The following INTS7 variants were observed in gnomAD, a reference collection of about 807,000 sequenced individuals.
The protein encoded by INTS7 is integrator complex subunit 7, also known as chromosome 1 open reading frame 73.
In INTS7, 46 loss-of-function variants were observed where a neutral mutation model predicts 109.2. The ratio of observed to expected loss-of-function variants is 0.42; its 90% CI spans 0.33 to 0.54. The LOEUF is 0.54. Among genes scored for constraint, INTS7 ranks in the 20% least tolerant of loss-of-function variants. INTS7 has a pLI of 0.07. For synonymous variants in INTS7, 412 were observed against 402.9 expected, an observed-to-expected ratio of 1.02 and a Z score of -0.27; for missense variants, 929 against 1,132.4, an observed-to-expected ratio of 0.82 and a Z score of 2.58.
At chr1:212,010,274 T>C (rs1248691282) in intron 5 of INTS7, among the ~76,000 whole-genome samples, 1 of 152,228 alleles carries the variant, frequency 6.6e-6, no homozygotes, top group Non-Finnish European at 1.5e-5. Context: ...CTCCCTTTTA[T>C]GACTGCTAGG....
Position 211,982,775 on chromosome 1 carries a change from C to A in INTS7, c.1033G>T (p.Val345Phe). The A allele has an allele frequency of 1.2e-6, 2 of 1,610,504 alleles. No homozygotes were observed. The highest frequency in any genetic ancestry group is 1.7e-6 in the Non-Finnish European group (2 of 1,177,934). The part of the protein sequence containing the change: ...VSSSPRSSDL[V>F]KLAQECCYHN... ...TAACAGCACTCTTGGGCTAATTTGA[C>A]TAAATCAGAAGATCTGGGAGAAGAA... The change falls in exon 9 of 20, where the codon GTC becomes TTC. Residue 345 changes from valine (V) to phenylalanine (F), a missense_variant. This residue lies in a region of INTS7 where 787 missense variants were observed against 901.1 expected (regional missense o/e 0.87). Coordinates refer to ENST00000366994, the MANE Select transcript of INTS7 (RefSeq NM_015434.4).
rs61161323 is a variant in INTS7 at position 211,987,321 on chromosome 1, A to C, written c.997+565T>G. ...TAAAACAAAACAACAACAACAACAA[A>C]AAAAAACCCAAAATGACAAAAAAGT... On this transcript the variant is annotated intron_variant, in intron 8 of 19. Transcript: ENST00000366994. Among the ~76,000 whole-genome samples the C allele has an allele frequency of 8.1e-3, 1,237 of 152,132 alleles. 9 individuals carry two copies. Among genetic ancestry groups the C allele is most frequent in the African/African-American group, 0.018 (765 of 41,510 alleles).
chr1:211,976,462 A>G, intron 12 of INTS7, 120 bp downstream of exon 12: 1 of 863,656 alleles, frequency 1.2e-6, no homozygotes, highest in Admixed American at 2.5e-5. Flanking sequence ...TTCAGAACCC[A>G]TGACTAAAAG....
chr1:212,028,347 A>T (rs1667017480), intron 1 of INTS7, among the ~76,000 whole-genome samples: 1 of 152,232 alleles, frequency 6.6e-6, no homozygotes, highest in African/African-American at 2.4e-5. Context: ...GAAAAGTAAA[A>T]GATCTAAAAT....
chr1:211,957,954 G>C (rs1014495612), intron 16 of INTS7, among the ~76,000 whole-genome samples: 5 of 150,772 alleles, frequency 3.3e-5, no homozygotes, highest in Admixed American at 1.3e-4. Flanking sequence ...ACTACTAAAT[G>C]TAAGATTCTT....
At chr1:211,976,011 G>A (rs1428573572) in intron 12 of INTS7, among the ~76,000 whole-genome samples, 1 of 151,914 alleles carries the variant, frequency 6.6e-6, no homozygotes, top group Non-Finnish European at 1.5e-5. Context: ...TGTCAGCCAG[G>A]CTGGTCTCAA....
At chr1:212,013,200 TTTTC>T (rs1666239923) in intron 4 of INTS7, among the ~76,000 whole-genome samples, 1 of 152,020 alleles carries the variant, frequency 6.6e-6, no homozygotes, top group Non-Finnish European at 1.5e-5. Context: ...TCTCTGTGTC[TTTTC>T]TTTGAGGGGT....
At chr1:212,005,061 G>A (rs1665843440) in intron 7 of INTS7, among the ~76,000 whole-genome samples, 1 of 152,174 alleles carries the variant, frequency 6.6e-6, no homozygotes, top group Non-Finnish European at 1.5e-5. Flanking sequence ...AAATTTGCGT[G>A]TGTGAACTGG....
chr1:211,980,528 C>A (rs2993537), intron 10 of INTS7, among the ~76,000 whole-genome samples: 1 of 152,034 alleles, frequency 6.6e-6, no homozygotes, highest in Non-Finnish European at 1.5e-5. Context: ...CTCAACCTCT[C>A]GGCCTCAAGC....
Position 211,944,851 on chromosome 1 carries a change from C to CG in INTS7, c.2533dup (p.Arg845ProfsTer17). On this transcript the variant is annotated frameshift_variant, in exon 19 of 20. Coordinates refer to ENST00000366994, the MANE Select transcript of INTS7 (RefSeq NM_015434.4). LOFTEE classifies it high-confidence loss of function. ...ATTCAGACAGACAGACTGAATTTTG[C>CG]GGAAGAGTCCTGGTTTAGATCCGTG... The CG allele has an allele frequency of 6.2e-7, 1 of 1,614,096 alleles. No homozygotes were observed. The highest frequency in any genetic ancestry group is 8.5e-7 in the Non-Finnish European group (1 of 1,179,952).
chr1:212,028,724 T>C (rs1362525701), intron 1 of INTS7, among the ~76,000 whole-genome samples: 1 of 152,202 alleles, frequency 6.6e-6, no homozygotes, highest in Non-Finnish European at 1.5e-5. Context: ...ATAATGATAA[T>C]GATGATACAC....
chr1:212,003,083 G>A (rs1242630697), intron 7 of INTS7, among the ~76,000 whole-genome samples: 1 of 152,028 alleles, frequency 6.6e-6, no homozygotes, highest in Non-Finnish European at 1.5e-5. Flanking sequence ...CGGGAGAAGG[G>A]TTATCATACA....
At chr1:212,016,496 A>G (rs1666448709) in intron 4 of INTS7, among the ~76,000 whole-genome samples, 1 of 152,246 alleles carries the variant, frequency 6.6e-6, no homozygotes, top group South Asian at 2.1e-4. Context: ...TCTTTGCCAA[A>G]CTGTGGACAG....
chr1:211,974,270 AAAAAAAATATATAT>A lies in INTS7; in HGVS notation c.1815+882_1815+895del, dbSNP rs1208214487. ...AGGAAACAACAATCTCTTCCCAGAA[AAAAAAAATATATAT>A]ATATATATATATATATATATATATA... On this transcript the variant is annotated intron_variant, in intron 13 of 19. Transcript: ENST00000366994. Among the ~76,000 whole-genome samples, 91 of 101,900 alleles carry A rather than the reference AAAAAAAATATATAT, an allele frequency of 8.9e-4. 6 individuals are homozygous for A. In the South Asian group the frequency reaches 0.016, roughly 18 times the overall value. 66.9% of individuals were successfully genotyped at this position (101,900 alleles called of 152,430 possible).
At chr1:212,011,820 T>G (rs1666177363) in intron 4 of INTS7, among the ~76,000 whole-genome samples, 1 of 152,214 alleles carries the variant, frequency 6.6e-6, no homozygotes. Flanking sequence ...AATAACCATA[T>G]AAAGACTTCT....
Position 211,940,976 on chromosome 1 carries a change from T to A in INTS7, c.*848A>T, listed in dbSNP as rs768393576. The A allele has an allele frequency of 1.3e-5, 2 of 152,256 alleles. No individual in the cohort carries two copies. Among genetic ancestry groups the A allele is most frequent in the Non-Finnish European group, 2.9e-5 (2 of 68,048 alleles). The allele number at this position is 152,256 out of a possible 1,614,324, so 9.4% of individuals were successfully genotyped here. A position where few individuals can be genotyped will look rare whatever the true frequency, so the allele number is the denominator to read the frequency against. ...AATTAAATATGAAAATAATAAAGAC[T>A]GCTTTAGCACAGGAAGAGATAAATA... On this transcript the variant is annotated 3_prime_UTR_variant, in exon 20 of 20. Transcript: ENST00000366994.
At chr1:212,017,409 A>C (rs1159555022) in intron 3 of INTS7, among the ~76,000 whole-genome samples, 1 of 152,234 alleles carries the variant, frequency 6.6e-6, no homozygotes, top group African/African-American at 2.4e-5. Context: ...AAGCAGATAC[A>C]CAAAGTAAAA....
chr1:212,003,261 T>C (rs1006143597), intron 7 of INTS7, among the ~76,000 whole-genome samples: 1 of 111,332 alleles, frequency 9.0e-6, no homozygotes, highest in Non-Finnish European at 1.8e-5. Flanking sequence ...AGACATTTCA[T>C]AGTGAAACTA....
intron 17 of INTS7, among the ~76,000 whole-genome samples, chr1:211,949,941 T>C (rs989268733): frequency 6.6e-6 from 1 of 152,218 alleles, no homozygotes; most frequent in African/African-American, 2.4e-5. Flanking sequence ...AACCCCTTCT[T>C]ATCTGTCTGG....
Sources: gnomAD v4.1 joint callset for allele counts (sites outside exome capture counted in the v4.1 genomes callset) on GRCh38, gnomAD v4.1.1 for gene constraint, gnomAD v4.1.1 regional missense constraint, MANE v1.5 for transcripts, NCBI Gene and HGNC (gene_info 2026-07-23, HGNC 2026-07-21) for gene names.